Variants in SCLT1 observed in about 807,000 individuals in gnomAD.
The protein encoded by SCLT1 is sodium channel-associated protein 1.
SCLT1 carries 78 observed loss-of-function variants against 112.8 expected under a neutral mutation model. That is an observed-to-expected ratio of 0.69 (90% CI 0.58 to 0.83). The LOEUF (loss-of-function observed/expected upper bound fraction) is 0.83, where lower values mean the gene tolerates loss of function less well. Among genes scored for constraint, SCLT1 ranks in the 40% least tolerant of loss-of-function variants. The pLI, the probability that SCLT1 is intolerant of heterozygous loss-of-function variation, is 0.00. For missense variants in SCLT1, 747 were observed against 770.4 expected, an observed-to-expected ratio of 0.97 and a Z score of 0.36; for synonymous variants, 257 against 254.7, an observed-to-expected ratio of 1.01 and a Z score of -0.09.
rs913372828 is a variant in SCLT1, at chr4:129,052,991, T to C, written c.103-8940A>G. Among the ~76,000 whole-genome samples, 4 of 152,318 alleles carry C rather than the reference T, an allele frequency of 2.6e-5. No homozygotes were observed. The East Asian group carries it at 7.7e-4, about 29-fold the overall frequency. On this transcript the variant is annotated intron_variant, in intron 2 of 20. Transcript: ENST00000281142. ...TGCCTTCATTTCGTTATTTACCCAG[T>C]AGTCATTCAAGAGCAGGTTGTTCAG...
chr4:128,959,584 T>C lies in SCLT1; in HGVS notation c.1047+16A>G. 6.3e-7 allele frequency: 1 copy of C among 1,596,296 alleles called. No homozygotes were observed. On this transcript the variant is annotated intron_variant, in intron 12 of 20. Transcript: ENST00000281142. ...AACATTTTATTATATCTAAACATAT[T>C]TACTAGCTTTCTTACCTGACTTTTT...
chr4:128,932,164 AT>A (rs1157349525), intron 18 of SCLT1, among the ~76,000 whole-genome samples: 1 of 152,142 alleles, frequency 6.6e-6, no homozygotes, highest in Non-Finnish European at 1.5e-5. Flanking sequence ...ACAATAATAG[AT>A]TTGTCTGTAA....
intron 11 of SCLT1, among the ~76,000 whole-genome samples, chr4:128,960,782 C>T (rs1260695430): frequency 3.3e-5 from 5 of 150,662 alleles, no homozygotes; most frequent in Admixed American, 6.6e-5. Flanking sequence ...TAGCCGGGCT[C>T]GGTGGCGGGC....
chr4:128,996,202 A>G lies in SCLT1; in HGVS notation c.615+1672T>C, dbSNP rs553333361. On this transcript the variant is annotated intron_variant, in intron 8 of 20. Coordinates refer to ENST00000281142, the MANE Select transcript of SCLT1 (RefSeq NM_144643.4). ...TAGCTTTGGTGAGTCTGGTTTTCCA[A>G]TCCCCCAGGAAGTGAGAACATTTCC... Among the ~76,000 whole-genome samples, 28 of 152,100 alleles carry G rather than the reference A, an allele frequency of 1.8e-4. 1 individual carries two copies. The South Asian group carries it at 5.8e-3, about 32-fold the overall frequency.
At chr4:128,903,984 T>C (rs994083143) in intron 18 of SCLT1, among the ~76,000 whole-genome samples, 4 of 152,188 alleles carry the variant, frequency 2.6e-5, no homozygotes, top group African/African-American at 9.6e-5. Context: ...AGTAAGACTA[T>C]ATAATCTCTT....
intron 2 of SCLT1, 101 bp from the exon 3 acceptor site, chr4:129,044,152 A>G (rs1307121989): frequency 3.3e-6 from 2 of 610,082 alleles, no homozygotes; most frequent in Admixed American, 6.1e-5. Context: ...TAATCTTAGA[A>G]ACTCTATTTA....
intron 17 of SCLT1, among the ~76,000 whole-genome samples, chr4:128,938,957 G>A (rs1737447527): frequency 6.6e-6 from 1 of 152,100 alleles, no homozygotes; most frequent in African/African-American, 2.4e-5. Flanking sequence ...ACTCTAGCCT[G>A]GGCAACAGAG....
chr4:128,941,294 A>C (rs1475155922), intron 17 of SCLT1, among the ~76,000 whole-genome samples: 2 of 152,002 alleles, frequency 1.3e-5, no homozygotes, highest in Non-Finnish European at 2.9e-5. Flanking sequence ...CAAAGTTCTA[A>C]TTGCTTTATA....
At chr4:128,904,894 G>A (rs1734576730) in intron 18 of SCLT1, among the ~76,000 whole-genome samples, 1 of 152,084 alleles carries the variant, frequency 6.6e-6, no homozygotes, top group Non-Finnish European at 1.5e-5. Context: ...AATACCATGG[G>A]TTAAGGCAGG....
At chr4:128,943,906 A>C (rs1737922467) in intron 16 of SCLT1, among the ~76,000 whole-genome samples, 1 of 152,096 alleles carries the variant, frequency 6.6e-6, no homozygotes, top group Non-Finnish European at 1.5e-5. Flanking sequence ...AAATGCTACT[A>C]ATATTGTGAA....
intron 2 of SCLT1, among the ~76,000 whole-genome samples, chr4:129,071,175 G>A (rs1750970819): frequency 6.6e-6 from 1 of 152,030 alleles, no homozygotes; most frequent in Admixed American, 6.6e-5. Context: ...TCAATTTATT[G>A]AGGCCCATTT....
In SCLT1 at chr4:128,891,056, C is replaced by T; in HGVS notation, c.1908+3G>A. The T allele has an allele frequency of 6.2e-7, 1 of 1,609,014 alleles. No homozygotes were observed. Among genetic ancestry groups the T allele is most frequent in the Non-Finnish European group, 8.5e-7 (1 of 1,175,692 alleles). ...GCACTTCCCAGGGGAGTCATTATCT[C>T]ACCTCAGCTACCTTTTCATTTGCCA... On this transcript the variant is annotated splice_donor_region_variant and intron_variant, in intron 19 of 20. Transcript: ENST00000281142.
chr4:128,932,595 G>A (rs1318037128), intron 18 of SCLT1, among the ~76,000 whole-genome samples: 9 of 151,882 alleles, frequency 5.9e-5, no homozygotes, highest in Admixed American at 2.0e-4. Flanking sequence ...TATTCCATAT[G>A]GTACTGAAAG....
At chr4:128,891,351 T>C (rs192542674) in intron 18 of SCLT1, among the ~76,000 whole-genome samples, 2 of 152,186 alleles carry the variant, frequency 1.3e-5, no homozygotes, top group Admixed American at 6.5e-5. Context: ...ACAATGTGTA[T>C]ACATGTAACA....
chr4:129,053,658 G>C (rs1179190106), intron 2 of SCLT1, among the ~76,000 whole-genome samples: 1 of 138,526 alleles, frequency 7.2e-6, no homozygotes, highest in African/African-American at 2.7e-5. Flanking sequence ...CTTTGCATGT[G>C]AGTGGGTCTC....
At chr4:129,027,201 T>C (rs911133329) in intron 5 of SCLT1, among the ~76,000 whole-genome samples, 1 of 152,202 alleles carries the variant, frequency 6.6e-6, no homozygotes, top group Non-Finnish European at 1.5e-5. Context: ...ACTCATTTTA[T>C]GAGGCCAGCA....
intron 5 of SCLT1, among the ~76,000 whole-genome samples, chr4:129,020,585 C>T (rs1384488548): frequency 6.6e-6 from 1 of 152,162 alleles, no homozygotes. Context: ...GAAGAAGGAG[C>T]AGCTACATAG....
At chr4:129,066,311 T>C (rs1193791467) in intron 2 of SCLT1, among the ~76,000 whole-genome samples, 1 of 151,870 alleles carries the variant, frequency 6.6e-6, no homozygotes, top group East Asian at 1.9e-4. Context: ...CAATAACAAA[T>C]AAAAGCAAGA....
chr4:128,914,200 C>A (rs925335562), intron 18 of SCLT1, among the ~76,000 whole-genome samples: 1 of 151,954 alleles, frequency 6.6e-6, no homozygotes, highest in African/African-American at 2.4e-5. Context: ...CCCGTCTCTA[C>A]TAAAAATACA....
Sources: gnomAD v4.1 joint callset for allele counts (sites outside exome capture counted in the v4.1 genomes callset) on GRCh38, gnomAD v4.1.1 for gene constraint, MANE v1.5 for transcripts, NCBI Gene and HGNC (gene_info 2026-07-23, HGNC 2026-07-21) for gene names.